The following CSMD1 variants were observed in gnomAD, a reference collection of about 807,000 sequenced individuals.
CSMD1 encodes CUB and Sushi multiple domains 1.
A neutral mutation model predicts 417.5 loss-of-function variants in CSMD1; 213 were observed. That is an observed-to-expected ratio of 0.51 (90% confidence interval 0.46 to 0.57). The LOEUF is 0.57. Ranked by LOEUF, CSMD1 falls within the 20% of genes least tolerant of loss-of-function variation. CSMD1 has a pLI of 0.00. For synonymous variants in CSMD1, 2,862 were observed against 1,736.8 expected (o/e 1.65, Z -16.11); for missense variants, 6,923 against 4,529.7 (o/e 1.53, Z -15.17).
At chr8:4,028,602 G>C (rs1479471012) in intron 4 of CSMD1, among the ~76,000 whole-genome samples, 1 of 152,158 alleles carries the variant, frequency 6.6e-6, no homozygotes, top group Non-Finnish European at 1.5e-5. Flanking sequence ...ACTTGCAGTG[G>C]AGCCTGTAAA....
chr8:3,303,467 C>T (rs1804570329), intron 25 of CSMD1, among the ~76,000 whole-genome samples: 2 of 152,168 alleles, frequency 1.3e-5, no homozygotes, highest in South Asian at 4.1e-4. Context: ...CTTTTGACAA[C>T]CTTGATACCT....
intron 2 of CSMD1, among the ~76,000 whole-genome samples, chr8:4,549,563 G>A (rs989794222): frequency 7.2e-5 from 11 of 151,886 alleles, no homozygotes; most frequent in South Asian, 4.2e-4. Flanking sequence ...ACAGCCTCCC[G>A]CATTACGTGA....
chr8:3,438,856 C>T (rs939645723), intron 12 of CSMD1, among the ~76,000 whole-genome samples: 1 of 151,798 alleles, frequency 6.6e-6, no homozygotes, highest in African/African-American at 2.4e-5. Context: ...TGGCTTGCAC[C>T]TGTAATCCCA....
At chr8:3,314,718 C>T (rs1363834399) in intron 23 of CSMD1, among the ~76,000 whole-genome samples, 1 of 152,198 alleles carries the variant, frequency 6.6e-6, no homozygotes. Flanking sequence ...ATGAATTACG[C>T]AGTCTTAATA....
At chr8:3,364,882 G>A (rs374944895) in intron 20 of CSMD1, among the ~76,000 whole-genome samples, 12 of 152,294 alleles carry the variant, frequency 7.9e-5, no homozygotes, top group South Asian at 6.2e-4. Context: ...GACAGTAGTC[G>A]TCAAAAGAGT....
intron 62 of CSMD1, among the ~76,000 whole-genome samples, chr8:2,960,733 T>G (rs1400092363): frequency 6.6e-6 from 1 of 152,064 alleles, no homozygotes; most frequent in Non-Finnish European, 1.5e-5. Context: ...GAATTTAATA[T>G]TATTTCCCCA....
chr8:4,296,647 C>T (rs1416745811), intron 3 of CSMD1, among the ~76,000 whole-genome samples: 5 of 146,780 alleles, frequency 3.4e-5, no homozygotes, highest in African/African-American at 1.3e-4. Context: ...ACTATTAACT[C>T]GTATGTGGAG....
intron 23 of CSMD1, among the ~76,000 whole-genome samples, chr8:3,308,767 A>G (rs1203899038): frequency 1.0e-5 from 1 of 97,242 alleles, no homozygotes; most frequent in Non-Finnish European, 2.0e-5. Context: ...TTTGTTGCCC[A>G]GGCTGGAGTG....
intron 3 of CSMD1, among the ~76,000 whole-genome samples, chr8:4,032,557 C>G (rs1371928120): frequency 6.6e-6 from 1 of 152,142 alleles, no homozygotes; most frequent in Non-Finnish European, 1.5e-5. Context: ...GGTACAGTGT[C>G]TGTTACACAT....
rs140607506 is a variant in CSMD1 at position 3,816,810 on chromosome 8, G to C, written c.819-62768C>G. On this transcript the variant is annotated intron_variant, in intron 5 of 69. Coordinates refer to ENST00000635120, the MANE Select transcript of CSMD1 (RefSeq NM_033225.6). The stretch of plus-strand genomic sequence containing the variant: ...TATGGTATACTGTATATAGGGTTTG[G>C]TACTATTTGTGGTTTCAGGTGTCTA... 9.5e-4 allele frequency among the ~76,000 whole-genome samples: 145 copies of C among 152,090 alleles called. 4 individuals are homozygous for C. In the East Asian group the frequency reaches 0.024, roughly 25 times the overall value.
chr8:4,481,765 G>T (rs1254297280), intron 2 of CSMD1, among the ~76,000 whole-genome samples: 1 of 152,134 alleles, frequency 6.6e-6, no homozygotes, highest in Admixed American at 6.5e-5. Flanking sequence ...ACTGTGCCTA[G>T]TATATGCCAG....
At chr8:3,963,268 G>C (rs920128059) in intron 5 of CSMD1, among the ~76,000 whole-genome samples, 1 of 152,136 alleles carries the variant, frequency 6.6e-6, no homozygotes, top group African/African-American at 2.4e-5. Flanking sequence ...ATAATTACGA[G>C]TTTGAGGAAT....
chr8:4,420,072 T>A lies in CSMD1; in HGVS notation c.303-7A>T, dbSNP rs777731733. ...CAGCTGAAATCCCGATAATCTAAAT[T>A]TAAAAGACAAGACACAAAGAGAGTT... On this transcript the variant is annotated splice_region_variant and splice_polypyrimidine_tract_variant and intron_variant, in intron 2 of 69. Coordinates refer to ENST00000635120, the MANE Select transcript of CSMD1 (RefSeq NM_033225.6). 1 of 1,538,844 alleles carries A rather than the reference T, an allele frequency of 6.5e-7. No individual in the cohort carries two copies. Among genetic ancestry groups the A allele is most frequent in the Admixed American group, 1.9e-5 (1 of 51,450 alleles).
At chr8:4,992,809 T>C (rs1451738023) in intron 1 of CSMD1, among the ~76,000 whole-genome samples, 1 of 152,210 alleles carries the variant, frequency 6.6e-6, no homozygotes, top group Non-Finnish European at 1.5e-5. Flanking sequence ...GGTCGGCGTC[T>C]GCAAGAAGCT....
chr8:3,302,452 G>A (rs1345583753), intron 25 of CSMD1, among the ~76,000 whole-genome samples: 3 of 152,086 alleles, frequency 2.0e-5, no homozygotes, highest in East Asian at 3.9e-4. Context: ...TATTTCTCCT[G>A]TAATTCCATT....
At chr8:3,846,408 T>C (rs965503850) in intron 5 of CSMD1, among the ~76,000 whole-genome samples, 2 of 151,752 alleles carry the variant, frequency 1.3e-5, no homozygotes, top group African/African-American at 4.8e-5. Context: ...GATAAACATA[T>C]GTAAGTTTTG....
chr8:3,829,057 G>C (rs1336882186), intron 5 of CSMD1, among the ~76,000 whole-genome samples: 4 of 151,752 alleles, frequency 2.6e-5, no homozygotes, highest in Non-Finnish European at 5.9e-5. Flanking sequence ...TAAGTTACTG[G>C]GGTATAGGTG....
chr8:4,483,509 G>T (rs1585148255), intron 2 of CSMD1, among the ~76,000 whole-genome samples: 1 of 152,162 alleles, frequency 6.6e-6, no homozygotes, highest in African/African-American at 2.4e-5. Flanking sequence ...ATGTATGAAA[G>T]TCATACAAAC....
intron 10 of CSMD1, among the ~76,000 whole-genome samples, chr8:3,525,015 A>G (rs1347165533): frequency 6.6e-6 from 1 of 152,196 alleles, no homozygotes; most frequent in Non-Finnish European, 1.5e-5. Flanking sequence ...TCAAGTTGGC[A>G]TTTATTTTCT....
Sources: allele counts gnomAD v4.1 joint callset (sites outside exome capture counted in the v4.1 genomes callset), GRCh38; gene constraint gnomAD v4.1.1; transcripts MANE v1.5; gene names NCBI Gene and HGNC (gene_info 2026-07-23, HGNC 2026-07-21).